TRAM1: variants seen among roughly 807,000 people sequenced by gnomAD.
TRAM1 encodes the protein translocation associated membrane protein 1.
TRAM1 carries 17 observed loss-of-function variants against 48.7 expected under a neutral mutation model. The ratio of observed to expected loss-of-function variants is 0.35; its 90% CI spans 0.24 to 0.52. TRAM1 has a LOEUF of 0.52. TRAM1 is among the 20% of genes least tolerant of loss of function. The pLI is 0.94. For synonymous variants in TRAM1, 182 were observed against 154.0 expected (o/e 1.18, Z -1.34); for missense variants, 351 against 441.5 (o/e 0.79, Z 1.84).
At chr8:70,593,776 C>T (rs530698385) in intron 6 of TRAM1, among the ~76,000 whole-genome samples, 5 of 151,728 alleles carry the variant, frequency 3.3e-5, no homozygotes, top group Admixed American at 6.6e-5. Flanking sequence ...AAGATGGTGG[C>T]GATGGGAGAA....
Position 70,587,143 on chromosome 8 carries a change from G to C in TRAM1, c.604C>G (p.Leu202Val). ...DIPRQLVYIG[L>V]YLFHIAGAYL... ...GCTCCAGCAATGTGGAAGAGGTAAA[G>C]ACCAATGTAGACAAGCTGACGAGGA... The change falls in exon 7 of 11, where the codon CTT becomes GTT. Residue 202 changes from leucine (L) to valine (V), a missense_variant. Coordinates refer to ENST00000262213, the MANE Select transcript of TRAM1 (RefSeq NM_014294.6). 2 of 1,613,912 alleles carry C rather than the reference G, an allele frequency of 1.2e-6. No homozygotes were observed. The highest frequency in any genetic ancestry group is 1.7e-6 in the Non-Finnish European group (2 of 1,179,904).
At position 70,583,176 on chromosome 8, in the gene TRAM1, T is replaced by C. The variant is rs1322003026; in HGVS notation, c.1039A>G (p.Lys347Glu). 6.2e-7 allele frequency: 1 copy of C among 1,613,430 alleles called. No homozygotes were observed. The highest frequency in any genetic ancestry group is 8.5e-7 in the Non-Finnish European group (1 of 1,179,848). The change falls in exon 10 of 11, where the codon AAA becomes GAA. Residue 347 changes from lysine to glutamate, a missense_variant. Lys to Glu is a moderately conservative substitution (Grantham distance 56). Transcript: ENST00000262213. Reference protein sequence around the residue: ...KPTVTKGRSSKKGTENGVNGT... With the variant: ...KPTVTKGRSSEKGTENGVNGT... Reference sequence around the variant, plus strand: ...ACTGAATACAAACCTGTTCCTTTTTTAGAAGATCTGCCTTTAGTTACTGTT... The same window carrying C: ...ACTGAATACAAACCTGTTCCTTTTTCAGAAGATCTGCCTTTAGTTACTGTT...
At chr8:70,599,216 C>T (rs1044550761) in intron 2 of TRAM1, among the ~76,000 whole-genome samples, 2 of 152,122 alleles carry the variant, frequency 1.3e-5, no homozygotes, top group African/African-American at 4.8e-5. Context: ...TACGATCACG[C>T]CACAGCACTC....
rs1410557153 is a variant in TRAM1, at chr8:70,574,717, T to C, written c.*215A>G. On this transcript the variant is annotated 3_prime_UTR_variant, in exon 11 of 11. Transcript: ENST00000262213. ...TATGGTGGTGGTCCCTAAACTATTTTGAAGGCAGGTAGCTTAGTCTAAGCT... is the reference window on the plus strand; with the variant it reads ...TATGGTGGTGGTCCCTAAACTATTTCGAAGGCAGGTAGCTTAGTCTAAGCT... 2 of 405,028 alleles carry C rather than the reference T, an allele frequency of 4.9e-6. No homozygotes were observed. The highest frequency in any genetic ancestry group is 8.6e-6 in the Non-Finnish European group (2 of 231,440). The allele number at this position is 405,028 out of a possible 1,614,324, so 25.1% of individuals were successfully genotyped here.
In TRAM1 at chr8:70,574,844, T is replaced by C; in HGVS notation, c.*88A>G. On this transcript the variant is annotated 3_prime_UTR_variant, in exon 11 of 11. Coordinates refer to ENST00000262213, the MANE Select transcript of TRAM1 (RefSeq NM_014294.6). ...CAAAAATCAAAGAGCACAGACTGTA[T>C]TTTCAAGAACAGAAAAATCTCTAAT... The C allele has an allele frequency of 3.1e-6, 3 of 966,960 alleles. No homozygotes were observed. Among genetic ancestry groups the C allele is most frequent in the Non-Finnish European group, 4.7e-6 (3 of 632,748 alleles). The allele number at this position is 966,960 out of a possible 1,614,324, so 59.9% of individuals were successfully genotyped here. A position where few individuals can be genotyped will look rare whatever the true frequency, so the allele number is the denominator to read the frequency against.
chr8:70,582,651 C>G (rs1443414808), intron 10 of TRAM1, among the ~76,000 whole-genome samples: 2 of 151,758 alleles, frequency 1.3e-5, no homozygotes, highest in African/African-American at 4.8e-5. Context: ...CACATACACA[C>G]TGAAAAAATT....
intron 9 of TRAM1, 38 bp downstream of exon 9, chr8:70,583,612 A>G (rs61065292): frequency 0.078 from 124,339 of 1,593,926 alleles, 5,371 homozygotes; most frequent in Middle Eastern, 0.089. Context: ...TATATTATCT[A>G]GCTGTATAAA....
chr8:70,595,597 T>A (rs1356663698), intron 5 of TRAM1, among the ~76,000 whole-genome samples: 1 of 152,134 alleles, frequency 6.6e-6, no homozygotes, highest in Admixed American at 6.6e-5. Context: ...ACATATAGTC[T>A]TAGTGGGTAT....
At chr8:70,581,458 G>T (rs1231350449) in intron 10 of TRAM1, among the ~76,000 whole-genome samples, 1 of 152,212 alleles carries the variant, frequency 6.6e-6, no homozygotes, top group Non-Finnish European at 1.5e-5. Flanking sequence ...CAGTTCAAGT[G>T]AAGGAGTCTT....
intron 10 of TRAM1, among the ~76,000 whole-genome samples, chr8:70,577,401 T>C (rs1816980590): frequency 6.6e-6 from 1 of 152,108 alleles, no homozygotes; most frequent in African/African-American, 2.4e-5. Context: ...ACTTACAGTG[T>C]TTTCTGGGCC....
chr8:70,601,358 C>G (rs1055548053), intron 1 of TRAM1, among the ~76,000 whole-genome samples: 6 of 152,192 alleles, frequency 3.9e-5, no homozygotes, highest in African/African-American at 1.4e-4. Context: ...AAAATATTTC[C>G]CATCAGATCT....
chr8:70,598,965 G>A (rs950657371), intron 2 of TRAM1, among the ~76,000 whole-genome samples: 2 of 152,090 alleles, frequency 1.3e-5, no homozygotes, highest in African/African-American at 2.4e-5. Context: ...GTACATAACT[G>A]AACAAAAACC....
chr8:70,591,272 T>TA (rs1563385976), intron 6 of TRAM1, among the ~76,000 whole-genome samples: 1 of 152,180 alleles, frequency 6.6e-6, no homozygotes, highest in African/African-American at 2.4e-5. Context: ...ATGCCTGGCT[T>TA]ACCATGATTT....
intron 8 of TRAM1, among the ~76,000 whole-genome samples, chr8:70,585,685 T>C (rs1268108783): frequency 1.4e-5 from 2 of 140,300 alleles, no homozygotes; most frequent in Non-Finnish European, 3.1e-5. Flanking sequence ...TCATCATCAC[T>C]GGCCATCAGA....
intron 6 of TRAM1, among the ~76,000 whole-genome samples, chr8:70,589,276 T>C (rs1476123987): frequency 6.6e-6 from 1 of 152,234 alleles, no homozygotes; most frequent in African/African-American, 2.4e-5. Flanking sequence ...AGATCCTCTC[T>C]ACATAATTTG....
In TRAM1 at chr8:70,583,194, T is replaced by C. The variant is rs1387844927; in HGVS notation, c.1021A>G (p.Thr341Ala). 4 of 1,613,856 alleles carry C rather than the reference T, an allele frequency of 2.5e-6. No individual in the cohort carries two copies. The highest frequency in any genetic ancestry group is 2.7e-5 in the African/African-American group (2 of 74,940). Residue 341 changes from threonine to alanine, a missense_variant, in exon 10 of 11, where the codon ACT becomes GCT. Transcript: ENST00000262213. ...CCTTTTTTAGAAGATCTGCCTTTAG[T>C]TACTGTTGGTTTCTTCTTCACAGCT... ...APAVKKKPTVTKGRSSKKGTE... is the reference protein window; with the variant it reads ...APAVKKKPTVAKGRSSKKGTE...
chr8:70,607,441 T>A, intron 1 of TRAM1: 1 of 985,466 alleles, frequency 1.0e-6, no homozygotes, highest in Non-Finnish European at 1.2e-6. Context: ...ATGAAAACAA[T>A]CTGGCGCGCC....
chr8:70,583,924 A>G, intron 8 of TRAM1, 131 bp from the exon 9 acceptor site: 13 of 1,032,348 alleles, frequency 1.3e-5, no homozygotes, highest in African/African-American at 3.4e-5. Context: ...GAGGCAGGAG[A>G]ATTGCTTGAA....
At chr8:70,584,482 G>T (rs1817161147) in intron 8 of TRAM1, among the ~76,000 whole-genome samples, 1 of 152,186 alleles carries the variant, frequency 6.6e-6, no homozygotes, top group Non-Finnish European at 1.5e-5. Flanking sequence ...AGGAAAAGTG[G>T]AAGTCTAATT....
Sources: allele counts gnomAD v4.1 joint callset (sites outside exome capture counted in the v4.1 genomes callset), GRCh38; gene constraint gnomAD v4.1.1; transcripts MANE v1.5; gene names NCBI Gene and HGNC (gene_info 2026-07-23, HGNC 2026-07-21).